ABCB9: variants seen among roughly 807,000 people sequenced by gnomAD.
ABCB9 encodes the protein ATP binding cassette subfamily B member 9, also known as ABC-type oligopeptide transporter ABCB9.
ABCB9 carries 36 observed loss-of-function variants against 62.0 expected under a neutral mutation model. The ratio of observed to expected loss-of-function variants is 0.58; its 90% CI spans 0.45 to 0.77. The LOEUF (loss-of-function observed/expected upper bound fraction) is 0.77. Among genes scored for constraint, ABCB9 ranks in the 30% least tolerant of loss-of-function variants. The pLI, the probability that ABCB9 is intolerant of heterozygous loss-of-function variation, is 0.00. For synonymous variants in ABCB9, 435 were observed against 461.4 expected (o/e 0.94, Z 0.73); for missense variants, 943 against 1,054.7 (o/e 0.89, Z 1.47).
intron 5 of ABCB9, among the ~76,000 whole-genome samples, chr12:122,946,846 T>G (rs1040246242): frequency 6.6e-6 from 1 of 152,238 alleles, no homozygotes; most frequent in Non-Finnish European, 1.5e-5. Context: ...ACCAGAGTCC[T>G]GGAAGAGGCC....
downstream of ABCB9, among the ~76,000 whole-genome samples, chr12:122,926,117 T>C (rs1253927203): frequency 6.6e-6 from 1 of 152,190 alleles, no homozygotes; most frequent in Non-Finnish European, 1.5e-5. Context: ...TTAATGGGTA[T>C]AGGGTTTTCT....
chr12:122,947,580 A>G lies in ABCB9; in HGVS notation c.1053+1044T>C. 2.5e-6 allele frequency: 1 copy of G among 400,406 alleles called. No individual in the cohort carries two copies. Among genetic ancestry groups the G allele is most frequent in the Admixed American group, 2.7e-5 (1 of 36,990 alleles). 24.8% of individuals were successfully genotyped at this position (400,406 alleles called of 1,614,324 possible). On this transcript the variant is annotated intron_variant, in intron 5 of 11. Coordinates refer to ENST00000280560, the MANE Select transcript of ABCB9 (RefSeq NM_019625.4). This position sits in a 1 kb window ranked among gnomAD's most constrained non-coding sequence, Gnocchi z 6.0. ...GGTTGCCTGTACCTGTCACAGGGTC[A>G]CAGCCCTGCCTGTCTGAACCCAGCC...
downstream of ABCB9, among the ~76,000 whole-genome samples, chr12:122,927,312 CA>C (rs1483702447): frequency 6.6e-6 from 1 of 152,118 alleles, no homozygotes; most frequent in Non-Finnish European, 1.5e-5. Flanking sequence ...GCTGGGACTA[CA>C]GGCGTGTGCC....
intron 10 of ABCB9, among the ~76,000 whole-genome samples, chr12:122,933,873 A>G (rs961916869): frequency 3.3e-5 from 5 of 152,124 alleles, no homozygotes; most frequent in African/African-American, 1.2e-4. Flanking sequence ...ATTATCTCAC[A>G]TATTTATCAC....
intron 1 of ABCB9, among the ~76,000 whole-genome samples, chr12:122,971,788 C>T (rs2037273266): frequency 6.6e-6 from 1 of 152,000 alleles, no homozygotes; most frequent in Non-Finnish European, 1.5e-5. Flanking sequence ...ATGTAAACTG[C>T]CAGCTTTGGA....
At chr12:122,969,146 C>T (rs1417307165), upstream of ABCB9, among the ~76,000 whole-genome samples, 4 of 148,984 alleles carry the variant, frequency 2.7e-5, no homozygotes, top group Admixed American at 2.7e-4. Flanking sequence ...AGTGGGCCAC[C>T]AGTCACTGCC....
In ABCB9 at chr12:122,929,854, CAT is replaced by C; in HGVS notation, c.*55_*56del. 1.4e-6 allele frequency: 2 copies of C among 1,477,762 alleles called. No homozygotes were observed. The highest frequency in any genetic ancestry group is 1.8e-6 in the Non-Finnish European group (2 of 1,117,834). 91.5% of individuals were successfully genotyped at this position (1,477,762 alleles called of 1,614,324 possible). On this transcript the variant is annotated 3_prime_UTR_variant, in exon 12 of 12. Transcript: ENST00000280560. This position sits in a 1 kb window ranked among gnomAD's most constrained non-coding sequence, Gnocchi z 6.0. ...GGGCAGCTGGGGGCCTCCGTGGGCA[CAT>C]CTGCCAGGCAGGCACCGGGTCCTCT...
At position 122,947,987 on chromosome 12, in the gene ABCB9, A is replaced by G. The variant is rs2036133700; in HGVS notation, c.1053+637T>C. 6.5e-6 allele frequency: 1 copy of G among 153,064 alleles called. No homozygotes were observed. The highest frequency in any genetic ancestry group is 6.5e-5 in the Admixed American group (1 of 15,398). The allele number at this position is 153,064 out of a possible 1,614,324, so 9.5% of individuals were successfully genotyped here. ...CTTGCTGTGTCACCCAGGCTAGAGT[A>G]TAGTGGCACGATCATTGCTCACTAC... On this transcript the variant is annotated intron_variant, in intron 5 of 11. Coordinates refer to ENST00000280560, the MANE Select transcript of ABCB9 (RefSeq NM_019625.4). The surrounding 1 kb of genome is among the most constrained non-coding windows in gnomAD (Gnocchi z 6.0).
downstream of ABCB9, among the ~76,000 whole-genome samples, chr12:122,925,792 C>T (rs1593957872): frequency 1.3e-5 from 2 of 152,320 alleles, no homozygotes; most frequent in South Asian, 4.1e-4. Flanking sequence ...CCACTATTAG[C>T]AGCACTAATA....
downstream of ABCB9, chr12:122,928,949 C>A: frequency 3.1e-6 from 3 of 970,730 alleles, no homozygotes; most frequent in Non-Finnish European, 3.7e-6. Flanking sequence ...GTGGAAAAAC[C>A]TAACTGGGCG....
At position 122,959,702 on chromosome 12, in the gene ABCB9, GAGCAGCTTCTGCAGCGTGGCCCC is replaced by G; in HGVS notation, c.511_533del (p.Gly171LeufsTer36). 1 of 1,608,872 alleles carries G rather than the reference GAGCAGCTTCTGCAGCGTGGCCCC, an allele frequency of 6.2e-7. No homozygotes were observed. Among genetic ancestry groups the G allele is most frequent in the Non-Finnish European group, 8.5e-7 (1 of 1,176,696 alleles). On this transcript the variant is annotated frameshift_variant, in exon 2 of 12. Transcript: ENST00000280560. LOFTEE classifies it high-confidence loss of function. The surrounding 1 kb of genome is among the most constrained non-coding windows in gnomAD (Gnocchi z 5.4). ...AGGCCACGTCGGGCTTGGTGTAGGAGAGCAGCTTCTGCAGCGTGGCCCCAGACGCCTGCTCGGGCGGTGGCCGG... is the reference window on the plus strand; with the variant it reads ...AGGCCACGTCGGGCTTGGTGTAGGAGAGACGCCTGCTCGGGCGGTGGCCGG...
chr12:122,943,170 G>C (rs2035855189), intron 7 of ABCB9, among the ~76,000 whole-genome samples: 4 of 152,144 alleles, frequency 2.6e-5, no homozygotes, highest in African/African-American at 2.4e-5. Context: ...CTGGCCCTCA[G>C]ATGGGATGAC....
Position 122,949,918 on chromosome 12 carries a change from G to A in ABCB9, c.717C>T (p.Ser239=). The A allele has an allele frequency of 6.2e-7, 1 of 1,614,122 alleles. No homozygotes were observed. Among genetic ancestry groups the A allele is most frequent in the Non-Finnish European group, 8.5e-7 (1 of 1,179,952 alleles). Reference sequence around the variant, plus strand: ...CGCCCCGAATACCTGCGGCAAATGAGCTAATTGCAGATAAGAGATATTATA... The same window carrying A: ...CGCCCCGAATACCTGCGGCAAATGAACTAATTGCAGATAAGAGATATTATA... ...VVIVCLLAIG[S]SFAAGIRGGI... The change falls in exon 4 of 12, where the codon AGC becomes AGT. Residue 239 remains serine, a splice_region_variant and synonymous_variant. Transcript: ENST00000280560.
At chr12:122,960,587 G>A (rs1007268661) in intron 1 of ABCB9, among the ~76,000 whole-genome samples, 1 of 151,908 alleles carries the variant, frequency 6.6e-6, no homozygotes, top group Non-Finnish European at 1.5e-5. Context: ...TACTCATGCA[G>A]GAGACAGATA....
upstream of ABCB9, among the ~76,000 whole-genome samples, chr12:122,969,582 A>T (rs962393450): frequency 5.9e-5 from 9 of 152,120 alleles, no homozygotes; most frequent in East Asian, 1.9e-4. Context: ...CAAACAATTT[A>T]AAAAATTAGC....
At position 122,932,836 on chromosome 12, in the gene ABCB9, T is replaced by C. The variant is rs1262494464; in HGVS notation, c.1904-508A>G. Among the ~76,000 whole-genome samples the C allele has an allele frequency of 6.6e-6, 1 of 152,126 alleles. No individual in the cohort carries two copies. ...TCACCTGTGACCCACAGCGCTGTTATTGCAAAAAATAAAACAAATAGACTC... is the reference window on the plus strand; with the variant it reads ...TCACCTGTGACCCACAGCGCTGTTACTGCAAAAAATAAAACAAATAGACTC... On this transcript the variant is annotated intron_variant, in intron 10 of 11. Coordinates refer to ENST00000280560, the MANE Select transcript of ABCB9 (RefSeq NM_019625.4). This position sits in a 1 kb window ranked among gnomAD's most constrained non-coding sequence, Gnocchi z 4.7.
chr12:122,940,186 G>C lies in ABCB9; in HGVS notation c.1668C>G (p.Tyr556Ter). 6.2e-7 allele frequency: 1 copy of C among 1,613,914 alleles called. No homozygotes were observed. Among genetic ancestry groups the C allele is most frequent in the Middle Eastern group, 1.6e-4 (1 of 6,062 alleles). The stretch of plus-strand genomic sequence containing the variant: ...GCAGCACCCGGCCCCCCTCCAGGGG[G>C]TAGAAGTTCTCCAGGATGTTGACAC... The part of the protein sequence containing the change: ...SSCVNILENF[Y>*]PLEGGRVLLD... Residue 556 changes from tyrosine (Y) to a stop codon, truncating the protein, a stop_gained, in exon 9 of 12, where the codon TAC becomes TAG. Transcript: ENST00000280560. LOFTEE classifies it high-confidence loss of function. This position sits in a 1 kb window ranked among gnomAD's most constrained non-coding sequence, Gnocchi z 4.8.
In ABCB9 at chr12:122,959,090, G is replaced by A. The variant is rs1316127602; in HGVS notation, c.601+545C>T. The stretch of plus-strand genomic sequence containing the variant: ...AAATGGGGCAGGCACCGTGGCTCAC[G>A]CCTGTAATCCCAGCACTTTGGGAGG... On this transcript the variant is annotated intron_variant, in intron 2 of 11. Transcript: ENST00000280560. This position sits in a 1 kb window ranked among gnomAD's most constrained non-coding sequence, Gnocchi z 5.4. 6.7e-6 allele frequency among the ~76,000 whole-genome samples: 1 copy of A among 148,174 alleles called. No individual in the cohort carries two copies.
In ABCB9 at chr12:122,949,826, A is replaced by G; in HGVS notation, c.809T>C (p.Val270Ala). The G allele has an allele frequency of 6.2e-7, 1 of 1,614,226 alleles. No individual in the cohort carries two copies. Among genetic ancestry groups the G allele is most frequent in the Non-Finnish European group, 8.5e-7 (1 of 1,180,004 alleles). ...RLRNCLFRSL[V>A]SQETSFFDEN... ...ATCAAAGAAGCTTGTCTCCTGGGACACCAGTGAGCGGAAGAGACAGTTTCG... is the reference window on the plus strand; with the variant it reads ...ATCAAAGAAGCTTGTCTCCTGGGACGCCAGTGAGCGGAAGAGACAGTTTCG... The change falls in exon 4 of 12, where the codon GTG (valine) becomes GCG (alanine). Residue 270 changes from valine to alanine, a missense_variant. Coordinates refer to ENST00000280560, the MANE Select transcript of ABCB9 (RefSeq NM_019625.4).
Sources: allele counts gnomAD v4.1 joint callset (sites outside exome capture counted in the v4.1 genomes callset), GRCh38; gene constraint gnomAD v4.1.1; non-coding constraint Gnocchi (gnomAD v3.1); transcripts MANE v1.5; gene names NCBI Gene and HGNC (gene_info 2026-07-23, HGNC 2026-07-21).